Variants in LATS2 observed in about 807,000 individuals in gnomAD.
LATS2 encodes serine/threonine-protein kinase LATS2.
LATS2 carries 24 observed loss-of-function variants against 76.0 expected under a neutral mutation model. The ratio of observed to expected loss-of-function variants is 0.32; its 90% CI spans 0.23 to 0.44. LATS2 has a LOEUF of 0.44. Among genes scored for constraint, LATS2 ranks in the 20% least tolerant of loss-of-function variants. The pLI, the probability that LATS2 is intolerant of heterozygous loss-of-function variation, is 1.00. For missense variants in LATS2, 1,286 were observed against 1,481.2 expected, an observed-to-expected ratio of 0.87 and a Z score of 2.16; for synonymous variants, 692 against 635.4, an observed-to-expected ratio of 1.09 and a Z score of -1.34.
intron 1 of LATS2, among the ~76,000 whole-genome samples, chr13:21,060,525 G>A (rs1226327193): frequency 2.6e-5 from 4 of 152,100 alleles, no homozygotes; most frequent in African/African-American, 9.6e-5. Context: ...GCCGGGAGAC[G>A]CCGAGCAGGG....
At chr13:21,029,897 G>T (rs1872453703) in intron 2 of LATS2, among the ~76,000 whole-genome samples, 2 of 150,914 alleles carry the variant, frequency 1.3e-5, no homozygotes, top group Admixed American at 1.3e-4. Flanking sequence ...GAGATGGCAG[G>T]CAGGTCATCT....
At chr13:21,054,842 A>G (rs986488089) in intron 1 of LATS2, among the ~76,000 whole-genome samples, 2 of 152,322 alleles carry the variant, frequency 1.3e-5, no homozygotes, top group Admixed American at 1.3e-4. Flanking sequence ...ATTCAGTGAC[A>G]TCCCTAAACC....
chr13:20,976,770 C>CT (rs1869643143), intron 7 of LATS2, among the ~76,000 whole-genome samples: 1 of 151,998 alleles, frequency 6.6e-6, no homozygotes, highest in Non-Finnish European at 1.5e-5. Context: ...GTGGCTACTA[C>CT]TTAAAAAAAA....
At chr13:20,983,845 G>T in intron 4 of LATS2, 39 bp from the exon 5 acceptor site, 1 of 1,504,910 alleles carries the variant, frequency 6.6e-7, no homozygotes, top group South Asian at 1.2e-5. Context: ...AATCACATTA[G>T]AGAAGTCCCA....
At chr13:21,049,618 G>C (rs1362195647) in intron 1 of LATS2, among the ~76,000 whole-genome samples, 3 of 152,194 alleles carry the variant, frequency 2.0e-5, no homozygotes, top group Non-Finnish European at 2.9e-5. Context: ...GAAGGGGCAA[G>C]CTGCTTTTCA....
chr13:20,997,154 C>G (rs904008195), intron 2 of LATS2, among the ~76,000 whole-genome samples: 2 of 152,170 alleles, frequency 1.3e-5, no homozygotes, highest in African/African-American at 4.8e-5. Context: ...CTGAGAAGGG[C>G]AAGACAAACT....
At chr13:21,036,344 T>C (rs2138388013) in intron 2 of LATS2, among the ~76,000 whole-genome samples, 1 of 152,268 alleles carries the variant, frequency 6.6e-6, no homozygotes, top group African/African-American at 2.4e-5. Context: ...AAGCCCATTT[T>C]AACAGGAAAG....
chr13:20,983,405 C>T lies in LATS2; in HGVS notation c.2301G>A (p.Leu767=). 1 of 1,614,036 alleles carries T rather than the reference C, an allele frequency of 6.2e-7. No homozygotes were observed. The highest frequency in any genetic ancestry group is 8.5e-7 in the Non-Finnish European group (1 of 1,180,008). The change falls in exon 5 of 8, where the codon CTG becomes CTA. Residue 767 remains leucine (L), a synonymous_variant. Transcript: ENST00000382592. ...TCAGCTCTGCGATGTAGAACCGGGC[C>T]AGGTGCTCAGGGAAGACCTCCATCC... is the stretch of plus-strand genomic sequence containing the variant. The part of the protein sequence containing the change: ...LIRMEVFPEH[L]ARFYIAELTL...
At chr13:21,049,849 T>C (rs9550698) in intron 1 of LATS2, among the ~76,000 whole-genome samples, 84,678 of 151,958 alleles carry the variant, frequency 0.56, 27,306 homozygotes, top group Non-Finnish European at 0.73. Flanking sequence ...GGCCGGGCAC[T>C]GTGGCTCATG....
chr13:21,026,152 C>T (rs1317336217), intron 2 of LATS2, among the ~76,000 whole-genome samples: 1 of 152,172 alleles, frequency 6.6e-6, no homozygotes, highest in Non-Finnish European at 1.5e-5. Context: ...TATTTGCATC[C>T]ACTGTAACTG....
At chr13:21,041,029 G>A (rs1872860809) in intron 2 of LATS2, among the ~76,000 whole-genome samples, 1 of 151,652 alleles carries the variant, frequency 6.6e-6, no homozygotes, top group Non-Finnish European at 1.5e-5. Flanking sequence ...CTGGAGTACA[G>A]TGGCACGATC....
chr13:20,985,600 A>G (rs559972368), intron 4 of LATS2, among the ~76,000 whole-genome samples: 137 of 152,050 alleles, frequency 9.0e-4, no homozygotes, highest in African/African-American at 2.9e-3. Flanking sequence ...TTAGCTGAGC[A>G]TGGTGTCGCA....
Position 20,973,823 on chromosome 13 carries a change from G to C in LATS2, c.*1047C>G, listed in dbSNP as rs1239619547. The C allele has an allele frequency of 4.3e-6, 1 of 230,320 alleles. No homozygotes were observed. The highest frequency in any genetic ancestry group is 8.6e-6 in the Non-Finnish European group (1 of 116,112). 14.3% of individuals were successfully genotyped at this position (230,320 alleles called of 1,614,324 possible). A position where few individuals can be genotyped will look rare whatever the true frequency, so the allele number is the denominator to read the frequency against. ...TAAAAAGGTAAGTAGTAGGGTCAGAGGTATGGCATTCCACATACCAGCTCT... is the reference window on the plus strand; with the variant it reads ...TAAAAAGGTAAGTAGTAGGGTCAGACGTATGGCATTCCACATACCAGCTCT... On this transcript the variant is annotated 3_prime_UTR_variant, in exon 8 of 8. Transcript: ENST00000382592.
At chr13:21,053,281 G>C (rs1381865859) in intron 1 of LATS2, among the ~76,000 whole-genome samples, 3 of 148,286 alleles carry the variant, frequency 2.0e-5, no homozygotes, top group African/African-American at 7.4e-5. Context: ...CACCTGCCTG[G>C]CTCACTCCTA....
intron 7 of LATS2, among the ~76,000 whole-genome samples, chr13:20,979,106 G>A (rs1595208940): frequency 6.6e-6 from 1 of 152,126 alleles, no homozygotes; most frequent in Non-Finnish European, 1.5e-5. Flanking sequence ...GAGCCACTGC[G>A]CCTGGCCAGC....
chr13:20,990,217 C>T (rs1050872970), intron 3 of LATS2, among the ~76,000 whole-genome samples: 32 of 152,302 alleles, frequency 2.1e-4, no homozygotes, highest in African/African-American at 7.0e-4. Flanking sequence ...GAAATCAGCA[C>T]GGAACATGGG....
intron 4 of LATS2, among the ~76,000 whole-genome samples, chr13:20,986,992 A>C (rs1418117560): frequency 6.6e-6 from 1 of 152,230 alleles, no homozygotes; most frequent in Non-Finnish European, 1.5e-5. Flanking sequence ...CAAGAGTTCG[A>C]GACCAGTCTG....
chr13:21,030,613 A>AAAAAAAAG (rs1872497350), intron 2 of LATS2, among the ~76,000 whole-genome samples: 2 of 19,518 alleles, frequency 1.0e-4, no homozygotes, highest in African/African-American at 1.9e-4. Flanking sequence ...AAAAAAAAAG[A>AAAAAAAAG]AAAAAAAAAA....
intron 2 of LATS2, among the ~76,000 whole-genome samples, chr13:21,007,085 T>C (rs950220777): frequency 2.0e-5 from 3 of 152,208 alleles, no homozygotes; most frequent in Admixed American, 6.5e-5. Context: ...ATTTTAGTTA[T>C]GAAGTATGGT....
Sources: gnomAD v4.1 joint callset for allele counts (sites outside exome capture counted in the v4.1 genomes callset) on GRCh38, gnomAD v4.1.1 for gene constraint, MANE v1.5 for transcripts, NCBI Gene and HGNC (gene_info 2026-07-23, HGNC 2026-07-21) for gene names.